Variants in CD4 observed in about 807,000 individuals in gnomAD.
CD4 encodes the protein T-cell surface glycoprotein CD4.
In CD4, 25 loss-of-function variants were observed where a neutral mutation model predicts 50.5. The observed-to-expected ratio is 0.49, with a 90% CI of 0.36 to 0.69. CD4 has a LOEUF of 0.69. Among genes scored for constraint, CD4 ranks in the 30% least tolerant of loss-of-function variants. The pLI is 0.00. For synonymous variants in CD4, 207 were observed against 221.9 expected, an observed-to-expected ratio of 0.93 and a Z score of 0.60; for missense variants, 456 against 548.5, an observed-to-expected ratio of 0.83 and a Z score of 1.68.
At chr12:6,815,295 T>TC (rs1555117740) in intron 5 of CD4, among the ~76,000 whole-genome samples, 2 of 152,070 alleles carry the variant, frequency 1.3e-5, no homozygotes, top group Non-Finnish European at 2.9e-5. Context: ...GAGCTTACTT[T>TC]CTTTGTTGCC....
intron 3 of CD4, among the ~76,000 whole-genome samples, chr12:6,804,698 C>CATAGT (rs1555115878): frequency 8.5e-5 from 13 of 152,182 alleles, no homozygotes; most frequent in South Asian, 2.1e-4. Flanking sequence ...CATAGTGAGA[C>CATAGT]CTTGTCTCTA....
intron 3 of CD4, among the ~76,000 whole-genome samples, chr12:6,806,156 T>TACAC (rs56979845): frequency 7.0e-4 from 75 of 107,442 alleles, no homozygotes; most frequent in African/African-American, 1.6e-3. Context: ...AAAAGGTACA[T>TACAC]ACACACACAC....
At chr12:6,808,174 G>T (rs949928051) in intron 3 of CD4, among the ~76,000 whole-genome samples, 15 of 151,342 alleles carry the variant, frequency 9.9e-5, no homozygotes, top group African/African-American at 3.6e-4. Flanking sequence ...GTGAAGATTG[G>T]CCAGGCGCAG....
At chr12:6,795,445 G>A (rs1942349093) in intron 1 of CD4, among the ~76,000 whole-genome samples, 2 of 152,274 alleles carry the variant, frequency 1.3e-5, no homozygotes, top group African/African-American at 2.4e-5. Context: ...CACCGTAAGA[G>A]GACCAAGCCC....
Position 6,819,504 on chromosome 12 carries a change from C to G in CD4, c.*175C>G, listed in dbSNP as rs200061207. The G allele has an allele frequency of 6.4e-5, 41 of 643,990 alleles. No homozygotes were observed. In the African/African-American group the frequency reaches 6.5e-4, roughly 10 times the overall value. The allele number at this position is 643,990 out of a possible 1,614,324, so 39.9% of individuals were successfully genotyped here. A position where few individuals can be genotyped will look rare whatever the true frequency, so the allele number is the denominator to read the frequency against. On this transcript the variant is annotated 3_prime_UTR_variant, in exon 10 of 10. Transcript: ENST00000011653. Reference sequence around the variant, plus strand: ...CCCCGGCTTCACTGGTTGAGTGTTGCTCTCTAGTTTCCAGAGGCTTAATCA... The same window carrying G: ...CCCCGGCTTCACTGGTTGAGTGTTGGTCTCTAGTTTCCAGAGGCTTAATCA...
rs1359678115 is a variant in CD4, at chr12:6,801,397, C to T, written c.214+926C>T. 2.7e-5 allele frequency among the ~76,000 whole-genome samples: 4 copies of T among 148,632 alleles called. No homozygotes were observed. In the South Asian group the frequency reaches 8.7e-4, roughly 32 times the overall value. On this transcript the variant is annotated intron_variant, in intron 3 of 9. Coordinates refer to ENST00000011653, the MANE Select transcript of CD4 (RefSeq NM_000616.5). ...CCAGGTGTGGGGGTGCAGTCCTGTA[C>T]TTCCAGCTACTCAGGAGGCTGAGGC...
In CD4 at chr12:6,818,431, A is replaced by G. The variant is rs1555118448; in HGVS notation, c.1167A>G (p.Thr389=). 2.5e-6 allele frequency: 4 copies of G among 1,612,442 alleles called. No individual in the cohort carries two copies. In the South Asian group the frequency reaches 3.3e-5, roughly 13 times the overall value. The change falls in exon 8 of 10, where the codon ACA becomes ACG. Residue 389 remains threonine, a synonymous_variant. Transcript: ENST00000011653. The surrounding 1 kb of genome is among the most constrained non-coding windows in gnomAD (Gnocchi z 5.0). ...TTCTCTCCCTTGCAGTTCTGCCCAC[A>G]TGGTCCACCCCGGTGCAGCCAATGG... ...LLESNIKVLP[T]WSTPVQPMAL...
At chr12:6,802,810 C>G (rs1445377705) in intron 3 of CD4, among the ~76,000 whole-genome samples, 1 of 151,620 alleles carries the variant, frequency 6.6e-6, no homozygotes, top group African/African-American at 2.4e-5. Context: ...GATCTCAGCT[C>G]GCTGCAACCT....
chr12:6,819,207 C>A, intron 9 of CD4, 92 bp from the exon 10 acceptor site: 2 of 1,271,756 alleles, frequency 1.6e-6, no homozygotes, highest in Admixed American at 1.7e-5. Context: ...GCCACTGGAG[C>A]TGTGCTGCGC....
chr12:6,818,607 C>G lies in CD4; in HGVS notation c.1278+65C>G. ...CCCCTGAGTCCTCTACCAGGAGATCCTGTATATGGGAACTGATTTTGGCCC... is the reference window on the plus strand; with the variant it reads ...CCCCTGAGTCCTCTACCAGGAGATCGTGTATATGGGAACTGATTTTGGCCC... On this transcript the variant is annotated intron_variant, in intron 8 of 9. Coordinates refer to ENST00000011653, the MANE Select transcript of CD4 (RefSeq NM_000616.5). The surrounding 1 kb of genome is among the most constrained non-coding windows in gnomAD (Gnocchi z 5.0). 1 of 1,597,968 alleles carries G rather than the reference C, an allele frequency of 6.3e-7. No homozygotes were observed. The highest frequency in any genetic ancestry group is 8.5e-7 in the Non-Finnish European group (1 of 1,169,982).
At chr12:6,813,334 G>C (rs1178333243) in intron 3 of CD4, among the ~76,000 whole-genome samples, 2 of 151,476 alleles carry the variant, frequency 1.3e-5, no homozygotes, top group Admixed American at 6.6e-5. Context: ...TGGGATGAGA[G>C]ATTTCCACCA....
intron 3 of CD4, among the ~76,000 whole-genome samples, chr12:6,813,077 T>C (rs1012145403): frequency 6.6e-6 from 1 of 151,832 alleles, no homozygotes; most frequent in African/African-American, 2.4e-5. Flanking sequence ...CAGTTAATTT[T>C]TTTTCTTTTT....
Position 6,818,518 on chromosome 12 carries a change from C to G in CD4, c.1254C>G (p.Phe418Leu), listed in dbSNP as rs1943171219. The change falls in exon 8 of 10, where the codon TTC (phenylalanine) becomes TTG (leucine). Residue 418 changes from phenylalanine (F) to leucine (L), a missense_variant. Physicochemically the swap from Phe to Leu is conservative, Grantham distance 22. Coordinates refer to ENST00000011653, the MANE Select transcript of CD4 (RefSeq NM_000616.5). The surrounding 1 kb of genome is among the most constrained non-coding windows in gnomAD (Gnocchi z 5.0). ...TTTTCATTGGGCTAGGCATCTTCTT[C>G]TGTGTCAGGTGCCGGCACCGAAGGG... ...LLLFIGLGIFFCVRCRHRRRQ... is the reference protein window; with the variant it reads ...LLLFIGLGIFLCVRCRHRRRQ... 2 of 1,612,946 alleles carry G rather than the reference C, an allele frequency of 1.2e-6. No homozygotes were observed. The highest frequency in any genetic ancestry group is 1.7e-5 in the Admixed American group (1 of 60,014).
rs1555117197 is a variant in CD4 at position 6,812,771 on chromosome 12, T to TGTGTG, written c.215-1371_215-1370insGTGTG. On this transcript the variant is annotated intron_variant, in intron 3 of 9. Transcript: ENST00000011653. Reference sequence around the variant, plus strand: ...TTCCTAGAGGCAACCAAGGTTATTTTTGTGTGTGTGTGTGTGTGTGTGTGT... The same window carrying TGTGTG: ...TTCCTAGAGGCAACCAAGGTTATTTTGTGTGTGTGTGTGTGTGTGTGTGTGTGTGT... 9.5e-3 allele frequency among the ~76,000 whole-genome samples: 545 copies of TGTGTG among 57,604 alleles called. 3 individuals carry two copies. The highest frequency in any genetic ancestry group is 0.027 in the East Asian group (57 of 2,096). 37.8% of individuals were successfully genotyped at this position (57,604 alleles called of 152,430 possible).
rs1943217642 is a variant in CD4 at position 6,819,623 on chromosome 12, G to C, written c.*294G>C. The C allele has an allele frequency of 8.6e-6, 4 of 467,790 alleles. No homozygotes were observed. The South Asian group carries it at 9.1e-5, about 11-fold the overall frequency. 29.0% of individuals were successfully genotyped at this position (467,790 alleles called of 1,614,324 possible). A position where few individuals can be genotyped will look rare whatever the true frequency, so the allele number is the denominator to read the frequency against. On this transcript the variant is annotated 3_prime_UTR_variant, in exon 10 of 10. Coordinates refer to ENST00000011653, the MANE Select transcript of CD4 (RefSeq NM_000616.5). ...CTCCCCACTGCTCATTTGGATCCCA[G>C]GGGAGTGTTCAGGGCCAGCCCTGGC...
Position 6,797,094 on chromosome 12 carries a change from G to A in CD4, c.-67-2978G>A, listed in dbSNP as rs1303930894. 2.0e-5 allele frequency among the ~76,000 whole-genome samples: 3 copies of A among 152,174 alleles called. 1 individual carries two copies. Among genetic ancestry groups the A allele is most frequent in the Non-Finnish European group, 4.4e-5 (3 of 68,034 alleles). ...AGACCCACCCCCAGTTTCTGATTCA[G>A]CAGGTCTGGGGTGGGGCCGAGGATC... On this transcript the variant is annotated intron_variant, in intron 1 of 9. Transcript: ENST00000011653.
chr12:6,808,801 T>C (rs1591555953), intron 3 of CD4, among the ~76,000 whole-genome samples: 1 of 152,352 alleles, frequency 6.6e-6, no homozygotes, highest in East Asian at 1.9e-4. Flanking sequence ...TTTAAAATTA[T>C]TGTTTTAAGG....
In CD4 at chr12:6,816,319, T is replaced by C. The variant is rs1943083137; in HGVS notation, c.871T>C (p.Tyr291His). 5 of 1,614,156 alleles carry C rather than the reference T, an allele frequency of 3.1e-6. No homozygotes were observed. The highest frequency in any genetic ancestry group is 1.1e-5 in the South Asian group (1 of 91,072). ...HLTLPQALPQYAGSGNLTLAL... is the reference protein window; with the variant it reads ...HLTLPQALPQHAGSGNLTLAL... ...CACCCTGCCCCAGGCCTTGCCTCAG[T>C]ATGCTGGCTCTGGAAACCTCACCCT... The change falls in exon 6 of 10, where the codon TAT (tyrosine) becomes CAT (histidine). Residue 291 changes from tyrosine to histidine, a missense_variant. Tyr to His is a moderately conservative substitution (Grantham distance 83). Coordinates refer to ENST00000011653, the MANE Select transcript of CD4 (RefSeq NM_000616.5). This position sits in a 1 kb window ranked among gnomAD's most constrained non-coding sequence, Gnocchi z 4.9.
At chr12:6,793,649 CATCTATCTATCTATCTATCTATCTATCT>C (rs56153037) in intron 1 of CD4, among the ~76,000 whole-genome samples, 3 of 128,234 alleles carry the variant, frequency 2.3e-5, no homozygotes, top group South Asian at 2.6e-4. Context: ...ATCTATCTAT[CATCTATCTATCTATCTATCTATCTATCT>C]ATCTATCTAT....
Sources: allele counts gnomAD v4.1 joint callset (sites outside exome capture counted in the v4.1 genomes callset), GRCh38; gene constraint gnomAD v4.1.1; non-coding constraint Gnocchi (gnomAD v3.1); transcripts MANE v1.5; gene names NCBI Gene and HGNC (gene_info 2026-07-23, HGNC 2026-07-21).